The following DRD3 variants were observed in gnomAD, a reference collection of about 807,000 sequenced individuals.
The protein encoded by DRD3 is dopamine receptor D3, also known as D(3) dopamine receptor.
Under a neutral mutation model 36.3 loss-of-function variants are expected in DRD3, and 19 were observed. The ratio of observed to expected loss-of-function variants is 0.52; its 90% CI spans 0.36 to 0.77. The LOEUF is 0.77. DRD3 is among the 30% of genes least tolerant of loss of function. The pLI, the probability that DRD3 is intolerant of heterozygous loss-of-function variation, is 0.00. For synonymous variants in DRD3, 195 were observed against 203.7 expected, an observed-to-expected ratio of 0.96 and a Z score of 0.36; for missense variants, 465 against 505.3, an observed-to-expected ratio of 0.92 and a Z score of 0.77.
intron 4 of DRD3, among the ~76,000 whole-genome samples, chr3:114,146,660 T>C (rs964453563): frequency 1.3e-5 from 2 of 149,290 alleles, no homozygotes; most frequent in South Asian, 4.3e-4. Context: ...GATTGTGCCA[T>C]TGGACTCCAG....
chr3:114,173,145 C>T (rs2077863417), intron 1 of DRD3, among the ~76,000 whole-genome samples: 1 of 152,066 alleles, frequency 6.6e-6, no homozygotes, highest in Non-Finnish European at 1.5e-5. Flanking sequence ...CATGGGAAGA[C>T]ATAGTGAAAA....
At chr3:114,141,270 G>A (rs1043255493) in intron 4 of DRD3, among the ~76,000 whole-genome samples, 1 of 152,140 alleles carries the variant, frequency 6.6e-6, no homozygotes, top group Non-Finnish European at 1.5e-5. Flanking sequence ...CCCACCTCAG[G>A]TGATCCACCC....
chr3:114,134,508 C>T (rs903332386), intron 5 of DRD3, among the ~76,000 whole-genome samples: 2 of 152,088 alleles, frequency 1.3e-5, no homozygotes, highest in Admixed American at 6.6e-5. Context: ...CAACCTCTGC[C>T]TCCCAGGTTC....
intron 1 of DRD3, among the ~76,000 whole-genome samples, chr3:114,186,072 A>G (rs2077973661): frequency 6.6e-6 from 1 of 152,162 alleles, no homozygotes; most frequent in South Asian, 2.1e-4. Context: ...TGCAAATTTA[A>G]GGTTTCTTTT....
intron 1 of DRD3, among the ~76,000 whole-genome samples, chr3:114,172,287 G>C (rs113572626): frequency 6.6e-6 from 1 of 152,188 alleles, no homozygotes; most frequent in Non-Finnish European, 1.5e-5. Flanking sequence ...ATAATGATAC[G>C]TATATTGGAG....
At chr3:114,166,802 T>C (rs558668600) in intron 2 of DRD3, among the ~76,000 whole-genome samples, 1 of 152,316 alleles carries the variant, frequency 6.6e-6, no homozygotes, top group South Asian at 2.1e-4. Context: ...CAGTAGAATA[T>C]GGCCAGGAAT....
intron 3 of DRD3, among the ~76,000 whole-genome samples, chr3:114,153,063 T>G (rs1478214731): frequency 2.0e-5 from 3 of 152,210 alleles, no homozygotes; most frequent in Admixed American, 6.5e-5. Context: ...ACCCCAGCAC[T>G]GGCAGTGTGC....
At chr3:114,173,007 A>T (rs978898263) in intron 1 of DRD3, among the ~76,000 whole-genome samples, 2 of 151,970 alleles carry the variant, frequency 1.3e-5, no homozygotes, top group Non-Finnish European at 2.9e-5. Flanking sequence ...AGAAATCCTA[A>T]TTCCCAATAT....
At chr3:114,178,247 A>G (rs2077919949) in intron 1 of DRD3, among the ~76,000 whole-genome samples, 1 of 152,192 alleles carries the variant, frequency 6.6e-6, no homozygotes. Context: ...GTGCCTCTCC[A>G]AACCTTCAGC....
In DRD3 at chr3:114,128,778, C is replaced by T; in HGVS notation, c.1141G>A (p.Val381Met). 1 of 1,613,770 alleles carries T rather than the reference C, an allele frequency of 6.2e-7. No individual in the cohort carries two copies. The highest frequency in any genetic ancestry group is 1.1e-5 in the South Asian group (1 of 91,028). The change falls in exon 7 of 7, where the codon GTG becomes ATG. Residue 381 changes from valine to methionine, a missense_variant. Val to Met is a conservative substitution (Grantham distance 21). Coordinates refer to ENST00000383673, the MANE Select transcript of DRD3 (RefSeq NM_000796.6). ...LGYVNSALNP[V>M]IYTTFNIEFR... ...TCGATATTGAAGGTGGTATAGATCA[C>T]AGGGTTGAGGGCGCTATTCACGTAG...
At chr3:114,136,083 T>C (rs1380593012) in intron 5 of DRD3, among the ~76,000 whole-genome samples, 1 of 152,084 alleles carries the variant, frequency 6.6e-6, no homozygotes, top group East Asian at 1.9e-4. Context: ...AACTAGGGGA[T>C]GGGAAACAAA....
At chr3:114,167,602 G>A (rs2077798278) in intron 2 of DRD3, among the ~76,000 whole-genome samples, 1 of 152,120 alleles carries the variant, frequency 6.6e-6, no homozygotes, top group African/African-American at 2.4e-5. Context: ...GTCCCTGTGG[G>A]CCCCCTTATA....
chr3:114,197,000 A>G (rs1206060647), intron 1 of DRD3, among the ~76,000 whole-genome samples: 2 of 133,502 alleles, frequency 1.5e-5, no homozygotes, highest in African/African-American at 5.6e-5. Context: ...TTTTTTTATT[A>G]TACTTTAAGT....
At chr3:114,194,686 T>G (rs1438612159) in intron 1 of DRD3, among the ~76,000 whole-genome samples, 1 of 152,178 alleles carries the variant, frequency 6.6e-6, no homozygotes, top group Non-Finnish European at 1.5e-5. Context: ...TGTCATTAGT[T>G]TTTCATGTGA....
At chr3:114,131,744 G>T (rs1029133254) in intron 5 of DRD3, among the ~76,000 whole-genome samples, 2 of 152,166 alleles carry the variant, frequency 1.3e-5, no homozygotes, top group Non-Finnish European at 2.9e-5. Context: ...ATTAAAAAGT[G>T]GGCAAAGGAT....
intron 1 of DRD3, 119 bp from the exon 2 acceptor site, chr3:114,172,146 G>A (rs565453762): frequency 2.5e-6 from 2 of 787,908 alleles, no homozygotes; most frequent in Admixed American, 8.0e-5. Context: ...TATATAGTAG[G>A]CACTGTTGTG....
upstream of DRD3, among the ~76,000 whole-genome samples, chr3:114,182,894 A>G (rs1277183942): frequency 2.0e-5 from 3 of 152,332 alleles, no homozygotes; most frequent in East Asian, 3.9e-4. Flanking sequence ...CTGTTCATCT[A>G]TGGATGACAC....
chr3:114,182,644 G>T (rs373796405), upstream of DRD3, among the ~76,000 whole-genome samples: 56 of 151,034 alleles, frequency 3.7e-4, no homozygotes, highest in African/African-American at 1.3e-3. Context: ...CAGAGTCTCC[G>T]TCTGTCACCC....
intron 5 of DRD3, among the ~76,000 whole-genome samples, chr3:114,134,442 A>G (rs911163643): frequency 6.6e-6 from 1 of 151,986 alleles, no homozygotes; most frequent in Non-Finnish European, 1.5e-5. Context: ...ATTCTTTAAG[A>G]CAAAGTCTCA....
Sources: gnomAD v4.1 joint callset for allele counts (sites outside exome capture counted in the v4.1 genomes callset) on GRCh38, gnomAD v4.1.1 for gene constraint, MANE v1.5 for transcripts, NCBI Gene and HGNC (gene_info 2026-07-23, HGNC 2026-07-21) for gene names.